Variants in SLPI observed in about 807,000 individuals in gnomAD.
The protein encoded by SLPI is secretory leukocyte peptidase inhibitor.
A neutral mutation model predicts 14.3 loss-of-function variants in SLPI; 20 were observed. The observed-to-expected ratio is 1.40, with a 90% CI of 0.99 to 2.04. The LOEUF is 2.04. Ranked by LOEUF, SLPI falls within the 30% of genes most tolerant of loss-of-function variation. The pLI is 0.00. For missense variants in SLPI, 169 were observed against 159.4 expected (o/e 1.06, Z -0.32); for synonymous variants, 68 against 54.8 (o/e 1.24, Z -1.07).
At chr20:45,253,526 C>A (rs967929479) in intron 2 of SLPI, 49 bp downstream of exon 2, 1 of 1,567,826 alleles carries the variant, frequency 6.4e-7, no homozygotes, top group Admixed American at 1.7e-5. Context: ...CCCTCTAATG[C>A]TGTGTCCCCA....
chr20:45,252,711 C>T (rs1984696273), intron 3 of SLPI, among the ~76,000 whole-genome samples: 1 of 152,162 alleles, frequency 6.6e-6, no homozygotes, highest in Admixed American at 6.5e-5. Context: ...CTTTGCAGAG[C>T]ACTTTCAATC....
At chr20:45,254,383 G>A in intron 1 of SLPI, 76 bp downstream of exon 1, 1 of 1,242,198 alleles carries the variant, frequency 8.1e-7, no homozygotes, top group Non-Finnish European at 1.2e-6. Context: ...CCTACAGAAG[G>A]GGACACACCC....
At position 45,252,990 on chromosome 20, in the gene SLPI, T is replaced by A; in HGVS notation, c.394+12A>T. The A allele has an allele frequency of 6.2e-7, 1 of 1,612,872 alleles. No individual in the cohort carries two copies. ...CTGGAGGGAGCTCAGTGTGCCCTCA[T>A]CCCCTGCTTACCTTTCACAGGGGAA... On this transcript the variant is annotated intron_variant, in intron 3 of 3. Transcript: ENST00000338380.
intron 1 of SLPI, 83 bp downstream of exon 1, chr20:45,254,376 A>G: frequency 1.7e-6 from 2 of 1,161,138 alleles, no homozygotes; most frequent in East Asian, 4.8e-5. Flanking sequence ...ATCAGAGCCT[A>G]CAGAAGGGGA....
chr20:45,252,450 C>G (rs372412785), intron 3 of SLPI, 31 bp from the exon 4 acceptor site: 1 of 1,613,204 alleles, frequency 6.2e-7, no homozygotes, highest in Non-Finnish European at 8.5e-7. Flanking sequence ...AGAGCTTCAG[C>G]ATAGAAACCA....
chr20:45,253,255 T>A lies in SLPI; in HGVS notation c.245-104A>T, dbSNP rs1275127546. The A allele has an allele frequency of 6.0e-6, 8 of 1,343,564 alleles. No homozygotes were observed. In the East Asian group the frequency reaches 1.6e-4, roughly 27 times the overall value. 83.2% of individuals were successfully genotyped at this position (1,343,564 alleles called of 1,614,324 possible). A position where few individuals can be genotyped will look rare whatever the true frequency, so the allele number is the denominator to read the frequency against. ...CCTGCTCCAGCTTCAGCAGGGGGGA[T>A]CATCCCCTCCCCACCTCTATCACCA... On this transcript the variant is annotated intron_variant, in intron 2 of 3. Transcript: ENST00000338380.
At chr20:45,253,797 GA>G in intron 1 of SLPI, 64 bp from the exon 2 acceptor site, 1 of 1,484,586 alleles carries the variant, frequency 6.7e-7, no homozygotes, top group Admixed American at 1.9e-5. Context: ...CATGCCTCCT[GA>G]ACAAAGCACC....
chr20:45,253,801 A>G, intron 1 of SLPI, 68 bp from the exon 2 acceptor site: 2 of 1,456,736 alleles, frequency 1.4e-6, no homozygotes, highest in South Asian at 1.3e-5. Flanking sequence ...CCTCCTGAAC[A>G]AAGCACCACT....
chr20:45,254,371 A>G, intron 1 of SLPI, 88 bp downstream of exon 1: 3 of 1,084,408 alleles, frequency 2.8e-6, no homozygotes, highest in East Asian at 2.4e-5. Context: ...GAGGGATCAG[A>G]GCCTACAGAA....
In SLPI at chr20:45,253,558, T is replaced by G. The variant is rs1422360624; in HGVS notation, c.244+17A>C. 6.2e-7 allele frequency: 1 copy of G among 1,609,616 alleles called. No individual in the cohort carries two copies. Among genetic ancestry groups the G allele is most frequent in the East Asian group, 2.2e-5 (1 of 44,870 alleles). ...CCCAGGCTCACTCCTCTCTACCCAG[T>G]TCCCCGACCTGCTTACTTGGGTTTG... On this transcript the variant is annotated intron_variant, in intron 2 of 3. Transcript: ENST00000338380.
At position 45,252,994 on chromosome 20, in the gene SLPI, C is replaced by A; in HGVS notation, c.394+8G>T. 1 of 1,613,328 alleles carries A rather than the reference C, an allele frequency of 6.2e-7. No individual in the cohort carries two copies. Among genetic ancestry groups the A allele is most frequent in the South Asian group, 1.1e-5 (1 of 90,982 alleles). On this transcript the variant is annotated splice_region_variant and intron_variant, in intron 3 of 3. Coordinates refer to ENST00000338380, the MANE Select transcript of SLPI (RefSeq NM_003064.4). Reference sequence around the variant, plus strand: ...AGGGAGCTCAGTGTGCCCTCATCCCCTGCTTACCTTTCACAGGGGAAACGC... The same window carrying A: ...AGGGAGCTCAGTGTGCCCTCATCCCATGCTTACCTTTCACAGGGGAAACGC...
chr20:45,253,103 A>T lies in SLPI; in HGVS notation c.293T>A (p.Met98Lys), dbSNP rs376971461. Residue 98 changes from methionine (M) to lysine (K), a missense_variant, in exon 3 of 4, where the codon ATG becomes AAG. Transcript: ENST00000338380. ...CTCACAGAAATTGGGGGGGTTAAGC[A>T]TCAAACATTGGCCATAAGTCACTGG... ...KCPVTYGQCL[M>K]LNPPNFCEMD... 6.2e-5 allele frequency: 100 copies of T among 1,614,056 alleles called. No homozygotes were observed. Among genetic ancestry groups the T allele is most frequent in the Non-Finnish European group, 8.3e-5 (98 of 1,180,020 alleles).
intron 2 of SLPI, among the ~76,000 whole-genome samples, 196 bp downstream of exon 2, chr20:45,253,379 A>G (rs532847525): frequency 6.6e-6 from 1 of 152,252 alleles, no homozygotes; most frequent in East Asian, 1.9e-4. Flanking sequence ...AGTGCTGACT[A>G]GGTGGGAGGC....
At position 45,252,990 on chromosome 20, in the gene SLPI, T is replaced by C. The variant is rs114801423; in HGVS notation, c.394+12A>G. ...CTGGAGGGAGCTCAGTGTGCCCTCA[T>C]CCCCTGCTTACCTTTCACAGGGGAA... On this transcript the variant is annotated intron_variant, in intron 3 of 3. Coordinates refer to ENST00000338380, the MANE Select transcript of SLPI (RefSeq NM_003064.4). 1,037 of 1,612,868 alleles carry C rather than the reference T, an allele frequency of 6.4e-4. 3 individuals carry two copies. The African/African-American group carries it at 9.6e-3, about 15-fold the overall frequency.
At chr20:45,252,886 C>T in intron 3 of SLPI, 116 bp downstream of exon 3, 2 of 1,103,512 alleles carry the variant, frequency 1.8e-6, no homozygotes, top group Non-Finnish European at 2.6e-6. Context: ...GGGAGTCAGA[C>T]AGAGGCTGTG....
Position 45,253,709 on chromosome 20 carries a change from G to C in SLPI, c.110C>G (p.Pro37Arg). The change falls in exon 2 of 4, where the codon CCT becomes CGT. Residue 37 changes from proline to arginine, a missense_variant. Transcript: ENST00000338380. ...GKSFKAGVCPPKKSAQCLRYK... is the reference protein window; with the variant it reads ...GKSFKAGVCPRKKSAQCLRYK... ...TCTAAGGCACTGGGCAGATTTCTTA[G>C]GAGGACAGACTCCAGCTTTGAAGGC... 1 of 1,614,100 alleles carries C rather than the reference G, an allele frequency of 6.2e-7. No individual in the cohort carries two copies. Among genetic ancestry groups the C allele is most frequent in the Non-Finnish European group, 8.5e-7 (1 of 1,179,994 alleles).
At chr20:45,252,942 C>T in intron 3 of SLPI, 60 bp downstream of exon 3, 1 of 1,578,880 alleles carries the variant, frequency 6.3e-7, no homozygotes, top group Non-Finnish European at 8.6e-7. Context: ...GCCTGGGCCT[C>T]CAGAGGGTTG....
chr20:45,253,028 C>T lies in SLPI; in HGVS notation c.368G>A (p.Gly123Glu), dbSNP rs1373784868. ...RDLKCCMGMC[G>E]KSCVSPVKA is the part of the protein sequence containing the mutation. ...TTTCACAGGGGAAACGCAGGATTTC[C>T]CACACATGCCCATGCAACACTTCAA... The change falls in exon 3 of 4, where the codon GGG becomes GAG. Residue 123 changes from glycine to glutamate, a missense_variant. Gly to Glu is a moderately conservative substitution (Grantham distance 98). Transcript: ENST00000338380. 1.9e-6 allele frequency: 3 copies of T among 1,614,124 alleles called. No homozygotes were observed. Among genetic ancestry groups the T allele is most frequent in the Non-Finnish European group, 2.5e-6 (3 of 1,179,988 alleles).
intron 3 of SLPI, 72 bp downstream of exon 3, chr20:45,252,930 A>G (rs1984702290): frequency 6.6e-7 from 1 of 1,520,102 alleles, no homozygotes; most frequent in Admixed American, 1.7e-5. Context: ...CCCTGCCCAT[A>G]TGCCTGGGCC....
Sources: allele counts gnomAD v4.1 joint callset (sites outside exome capture counted in the v4.1 genomes callset), GRCh38; gene constraint gnomAD v4.1.1; transcripts MANE v1.5; gene names NCBI Gene and HGNC (gene_info 2026-07-23, HGNC 2026-07-21).